The following ERG variants were observed in gnomAD, a reference collection of about 807,000 sequenced individuals.
The protein encoded by ERG is transcriptional regulator ERG.
A neutral mutation model predicts 55.3 loss-of-function variants in ERG; 9 were observed. That is an observed-to-expected ratio of 0.16 (90% CI 0.10 to 0.28). The LOEUF is 0.28. Ranked by LOEUF, ERG falls within the 10% of genes least tolerant of loss-of-function variation. The pLI is 1.00. For missense variants in ERG, 434 were observed against 631.6 expected, an observed-to-expected ratio of 0.69 and a Z score of 3.35; for synonymous variants, 223 against 237.3, an observed-to-expected ratio of 0.94 and a Z score of 0.55.
intron 1 of ERG, among the ~76,000 whole-genome samples, chr21:38,454,825 A>G (rs2058972618): frequency 2.0e-5 from 3 of 152,350 alleles, no homozygotes; most frequent in East Asian, 1.9e-4. Context: ...CAAACCAAGT[A>G]TCTACCTAAC....
chr21:38,529,548 G>C (rs774772642), intron 2 of ERG, among the ~76,000 whole-genome samples: 10 of 152,184 alleles, frequency 6.6e-5, no homozygotes, highest in Non-Finnish European at 1.3e-4. Context: ...GAGTAGCCTT[G>C]GGGAGCAGTG....
chr21:38,379,627 A>AT (rs1378135214), downstream of ERG, among the ~76,000 whole-genome samples: 4 of 152,286 alleles, frequency 2.6e-5, no homozygotes, highest in South Asian at 2.1e-4. Context: ...ATAGTTTAAC[A>AT]TTTTTTTGTG....
In ERG at chr21:38,381,965, C is replaced by T. The variant is rs1987460220; in HGVS notation, c.*1438G>A. The T allele has an allele frequency of 1.9e-6, 2 of 1,062,290 alleles. No individual in the cohort carries two copies. Among genetic ancestry groups the T allele is most frequent in the Non-Finnish European group, 1.1e-6 (1 of 877,236 alleles). The allele number at this position is 1,062,290 out of a possible 1,614,324, so 65.8% of individuals were successfully genotyped here. A position where few individuals can be genotyped will look rare whatever the true frequency, so the allele number is the denominator to read the frequency against. ...ATAACACAAAATCCACAACATTCAG[C>T]ACATGTTTTCATTAAGCAACTTTAG... On this transcript the variant is annotated 3_prime_UTR_variant, in exon 10 of 10. Transcript: ENST00000288319.
At chr21:38,537,682 T>C (rs2059721575) in intron 2 of ERG, among the ~76,000 whole-genome samples, 1 of 152,120 alleles carries the variant, frequency 6.6e-6, no homozygotes, top group Non-Finnish European at 1.5e-5. Context: ...CAAGTGCTGG[T>C]GGAGATATGG....
At chr21:38,461,971 A>ATT (rs111262391) in intron 1 of ERG, among the ~76,000 whole-genome samples, 2 of 149,194 alleles carry the variant, frequency 1.3e-5, no homozygotes, top group African/African-American at 5.0e-5. Flanking sequence ...TGCCTGGCTA[A>ATT]TTTTTTTTTC....
At chr21:38,452,624 A>T (rs1383145152) in intron 1 of ERG, among the ~76,000 whole-genome samples, 4 of 152,206 alleles carry the variant, frequency 2.6e-5, no homozygotes, top group Admixed American at 6.5e-5. Flanking sequence ...TGCCTAAAAG[A>T]TACAGAGAAC....
chr21:38,603,604 T>C (rs766457224), intron 1 of ERG, among the ~76,000 whole-genome samples: 5 of 150,050 alleles, frequency 3.3e-5, no homozygotes, highest in Non-Finnish European at 7.4e-5. Flanking sequence ...GCCTTCTCAC[T>C]GAGTCTGCTA....
chr21:38,555,850 T>G (rs549509896), intron 2 of ERG, among the ~76,000 whole-genome samples: 1 of 152,326 alleles, frequency 6.6e-6, no homozygotes, highest in South Asian at 2.1e-4. Flanking sequence ...CATATACTGG[T>G]ATGTGCTTAA....
chr21:38,386,922 A>G (rs2146418785), intron 9 of ERG, among the ~76,000 whole-genome samples: 1 of 152,316 alleles, frequency 6.6e-6, no homozygotes, highest in South Asian at 2.1e-4. Flanking sequence ...TTGTCCACCT[A>G]CAGAGAACCC....
Position 38,396,183 on chromosome 21 carries a change from T to G in ERG, c.746-3739A>C, listed in dbSNP as rs531746696. Among the ~76,000 whole-genome samples the G allele has an allele frequency of 5.3e-4, 81 of 152,334 alleles. No homozygotes were observed. In the South Asian group the frequency reaches 0.015, roughly 28 times the overall value. On this transcript the variant is annotated intron_variant, in intron 6 of 9. Transcript: ENST00000288319. ...GTGTCTGTGAAATGAAAAAAAAAGT[T>G]TGAGTCAACCTTAACATAATTAAGT...
chr21:38,421,197 T>A (rs981985482), intron 3 of ERG, among the ~76,000 whole-genome samples: 1 of 152,174 alleles, frequency 6.6e-6, no homozygotes, highest in African/African-American at 2.4e-5. Context: ...TTCAGGTGCA[T>A]TGTCAAGATC....
intron 2 of ERG, among the ~76,000 whole-genome samples, chr21:38,430,971 A>C (rs527590054): frequency 2.6e-5 from 4 of 152,104 alleles, no homozygotes; most frequent in South Asian, 2.1e-4. Flanking sequence ...AATAAAAAAA[A>C]CCAGAATGCT....
intron 1 of ERG, among the ~76,000 whole-genome samples, chr21:38,657,544 C>T (rs1388433964): frequency 2.0e-5 from 3 of 152,062 alleles, no homozygotes; most frequent in African/African-American, 7.2e-5. Flanking sequence ...GCATTCAAGC[C>T]TCTTTCTAAT....
At chr21:38,545,030 C>T (rs981907581) in intron 2 of ERG, among the ~76,000 whole-genome samples, 20 of 152,188 alleles carry the variant, frequency 1.3e-4, no homozygotes, top group African/African-American at 4.8e-4. Flanking sequence ...GGAGAAAAAG[C>T]ATGCGGCTAA....
rs578225371 is a variant in ERG at position 38,556,493 on chromosome 21, G to GC, written c.-41+19168dup. Among the ~76,000 whole-genome samples the GC allele has an allele frequency of 4.9e-4, 74 of 152,276 alleles. 1 individual carries two copies. The highest frequency in any genetic ancestry group is 1.6e-3 in the African/African-American group (68 of 41,564). ...CATATGAGCCAATCACATTTCTGCA[G>GC]CCTTTTGTGGATACAAAAGGGGTGG... On this transcript the variant is annotated intron_variant, in intron 2 of 8. Transcript: ENST00000398897.
chr21:38,530,576 G>C (rs914937934), intron 2 of ERG, among the ~76,000 whole-genome samples: 2 of 152,172 alleles, frequency 1.3e-5, no homozygotes, highest in African/African-American at 4.8e-5. Context: ...CTGCACAGGA[G>C]AGTCCTCAAT....
At chr21:38,593,641 GA>G (rs920795910) in intron 1 of ERG, among the ~76,000 whole-genome samples, 33 of 151,726 alleles carry the variant, frequency 2.2e-4, no homozygotes, top group Non-Finnish European at 3.4e-4. Flanking sequence ...ATACTGGACA[GA>G]AAAAAAATAC....
At chr21:38,470,287 T>C (rs1371171923) in intron 1 of ERG, among the ~76,000 whole-genome samples, 3 of 152,074 alleles carry the variant, frequency 2.0e-5, no homozygotes, top group Admixed American at 6.5e-5. Flanking sequence ...ATTATTGTTA[T>C]AATTATCTGG....
Position 38,402,547 on chromosome 21 carries a change from C to A in ERG, c.673+10G>T, listed in dbSNP as rs1003464039. ...CTCTTGCTGGGAGGCAGGGGCGGGG[C>A]CAGCATTACCTGTGTTTCTAGCATG... On this transcript the variant is annotated intron_variant, in intron 5 of 9. Coordinates refer to ENST00000288319, the MANE Select transcript of ERG (RefSeq NM_182918.4). 1.9e-6 allele frequency: 3 copies of A among 1,607,420 alleles called. No individual in the cohort carries two copies. The Admixed American group carries it at 5.1e-5, about 27-fold the overall frequency.
Sources: gnomAD v4.1 joint callset for allele counts (sites outside exome capture counted in the v4.1 genomes callset) on GRCh38, gnomAD v4.1.1 for gene constraint, MANE v1.5 for transcripts, NCBI Gene and HGNC (gene_info 2026-07-23, HGNC 2026-07-21) for gene names.